SEMA3D: variants seen among roughly 807,000 people sequenced by gnomAD.
SEMA3D encodes the protein semaphorin-3D.
SEMA3D carries 84 observed loss-of-function variants against 100.1 expected under a neutral mutation model. That is an observed-to-expected ratio of 0.84 (90% CI 0.70 to 1.01). The LOEUF (loss-of-function observed/expected upper bound fraction) is 1.01, where lower values mean the gene tolerates loss of function less well. Ranked by LOEUF, SEMA3D falls within the 50% of genes least tolerant of loss-of-function variation. The probability of loss-of-function intolerance (pLI) is 0.00; values close to 1 mark genes in which losing one functional copy is unlikely to be tolerated. For missense variants in SEMA3D, 875 were observed against 934.1 expected (o/e 0.94, Z 0.82); for synonymous variants, 312 against 320.7 (o/e 0.97, Z 0.29).
chr7:85,148,198 A>G (rs1790270198), intron 2 of SEMA3D, among the ~76,000 whole-genome samples: 1 of 152,224 alleles, frequency 6.6e-6, no homozygotes, highest in African/African-American at 2.4e-5. Context: ...GCTACTAAGT[A>G]TCACTATTAA....
chr7:85,151,783 A>C, intron 2 of SEMA3D: 7 of 833,168 alleles, frequency 8.4e-6, no homozygotes, highest in East Asian at 1.2e-4. Flanking sequence ...CTATTATATT[A>C]GAAGAAAATT....
the SEMA3D span, among the ~76,000 whole-genome samples, chr7:85,214,650 C>T: frequency 2.9e-3 from 437 of 152,164 alleles, 1 homozygote; most frequent in African/African-American, 9.9e-3. Context: ...GCACGTGACA[C>T]CACACCAGGC....
chr7:85,048,379 A>G (rs1791066844), intron 9 of SEMA3D, among the ~76,000 whole-genome samples: 1 of 151,758 alleles, frequency 6.6e-6, no homozygotes, highest in Non-Finnish European at 1.5e-5. Flanking sequence ...TAATAATGAT[A>G]AGGACAATCC....
intron 4 of SEMA3D, among the ~76,000 whole-genome samples, chr7:85,089,634 A>C (rs2116274639): frequency 6.6e-6 from 1 of 152,222 alleles, no homozygotes; most frequent in Non-Finnish European, 1.5e-5. Context: ...TAATCCTAGC[A>C]CTTTGGGATT....
chr7:85,018,242 T>C lies in SEMA3D; in HGVS notation c.1545+10A>G, dbSNP rs1436073170. ...TTGTGATTAACTTTCATACAAAAGT[T>C]AAAAAGTACCTGCTTCAGAGACAAT... On this transcript the variant is annotated intron_variant, in intron 15 of 18. Transcript: ENST00000284136. 6.4e-7 allele frequency: 1 copy of C among 1,572,132 alleles called. No homozygotes were observed.
chr7:85,239,196 A>G, the SEMA3D span, among the ~76,000 whole-genome samples: 3 of 152,122 alleles, frequency 2.0e-5, no homozygotes, highest in Non-Finnish European at 2.9e-5. Flanking sequence ...GTTTAAATGT[A>G]TCCCCTCCCA....
At chr7:85,122,029 T>G (rs1428613931) in intron 2 of SEMA3D, 98 bp from the exon 3 acceptor site, 2 of 608,344 alleles carry the variant, frequency 3.3e-6, no homozygotes, top group Non-Finnish European at 5.5e-6. Flanking sequence ...TAAGTGGGAG[T>G]TGAACAATGA....
chr7:85,080,350 T>G (rs1788017417), intron 5 of SEMA3D, among the ~76,000 whole-genome samples: 1 of 152,132 alleles, frequency 6.6e-6, no homozygotes, highest in Admixed American at 6.5e-5. Flanking sequence ...TGTCTGAGAT[T>G]ATTAGCCTTC....
chr7:85,131,703 T>C (rs762306996), intron 2 of SEMA3D, among the ~76,000 whole-genome samples: 8 of 152,020 alleles, frequency 5.3e-5, no homozygotes, highest in Middle Eastern at 3.7e-3. Flanking sequence ...ATTTTCAAAG[T>C]ATAACAATAA....
In SEMA3D at chr7:85,057,703, C is replaced by T. The variant is rs150318543; in HGVS notation, c.719-1844G>A. Among the ~76,000 whole-genome samples the T allele has an allele frequency of 9.7e-3, 1,481 of 152,162 alleles. 22 individuals carry two copies. Among genetic ancestry groups the T allele is most frequent in the African/African-American group, 0.034 (1,393 of 41,502 alleles). ...ATCCCAGCACTTTGGGAGGCTGAGGCGGGTGGATCACTTGAGGTCAGTAGT... is the reference window on the plus strand; with the variant it reads ...ATCCCAGCACTTTGGGAGGCTGAGGTGGGTGGATCACTTGAGGTCAGTAGT... On this transcript the variant is annotated intron_variant, in intron 8 of 18. Transcript: ENST00000284136.
chr7:85,055,418 C>T (rs1289480663), intron 9 of SEMA3D, among the ~76,000 whole-genome samples: 1 of 151,772 alleles, frequency 6.6e-6, no homozygotes, highest in East Asian at 1.9e-4. Context: ...AGATGTGTAA[C>T]TCACACCAGG....
intron 10 of SEMA3D, 37 bp downstream of exon 10, chr7:85,042,134 A>C: frequency 1.5e-6 from 2 of 1,362,850 alleles, no homozygotes; most frequent in Non-Finnish European, 1.1e-6. Flanking sequence ...ATTAGGCAGT[A>C]AGGCCTTTCC....
At chr7:85,106,946 T>A (rs1028292981) in intron 3 of SEMA3D, among the ~76,000 whole-genome samples, 1 of 152,068 alleles carries the variant, frequency 6.6e-6, no homozygotes, top group African/African-American at 2.4e-5. Context: ...CACGTGGGGA[T>A]TACGGGAACT....
rs983013492 is a variant in SEMA3D, at chr7:85,083,157, T to G, written c.313-1578A>C. Among the ~76,000 whole-genome samples, 14 of 152,160 alleles carry G rather than the reference T, an allele frequency of 9.2e-5. 1 individual carries two copies. The highest frequency in any genetic ancestry group is 9.2e-4 in the Admixed American group (14 of 15,290). On this transcript the variant is annotated intron_variant, in intron 4 of 18. Coordinates refer to ENST00000284136, the MANE Select transcript of SEMA3D (RefSeq NM_001384900.1). ...AAGCAACTAAAATAAAATGGTTACATTTCAGGTGTATAGGTGGGTGGATTT... is the reference window on the plus strand; with the variant it reads ...AAGCAACTAAAATAAAATGGTTACAGTTCAGGTGTATAGGTGGGTGGATTT...
At chr7:85,066,890 G>GCACACACACACACACACA (rs1265828830) in intron 7 of SEMA3D, among the ~76,000 whole-genome samples, 14 of 100,694 alleles carry the variant, frequency 1.4e-4, no homozygotes, top group African/African-American at 1.1e-3. Flanking sequence ...GGAAATGTGC[G>GCACACACACACACACACA]CTCACACACA....
intron 9 of SEMA3D, among the ~76,000 whole-genome samples, chr7:85,042,898 G>T (rs1562794583): frequency 6.6e-6 from 1 of 152,070 alleles, no homozygotes; most frequent in Non-Finnish European, 1.5e-5. Flanking sequence ...GCTTAGCATA[G>T]TCTCAGGCAA....
chr7:85,181,294 T>C (rs1439640394), intron 1 of SEMA3D, among the ~76,000 whole-genome samples: 1 of 143,364 alleles, frequency 7.0e-6, no homozygotes, highest in East Asian at 2.0e-4. Context: ...CATCTTGAAA[T>C]GACAAAGAAT....
At chr7:85,008,806 G>T (rs1789871889) in intron 17 of SEMA3D, among the ~76,000 whole-genome samples, 1 of 151,670 alleles carries the variant, frequency 6.6e-6, no homozygotes, top group Non-Finnish European at 1.5e-5. Context: ...TGGTGGCTGA[G>T]AAAATAACAC....
upstream of SEMA3D, among the ~76,000 whole-genome samples, chr7:85,187,844 A>G (rs940735099): frequency 1.3e-5 from 2 of 152,198 alleles, no homozygotes; most frequent in African/African-American, 2.4e-5. Context: ...CGTCAGGGAC[A>G]TTAAAAAGGC....
Sources: gnomAD v4.1 joint callset for allele counts (sites outside exome capture counted in the v4.1 genomes callset) on GRCh38, gnomAD v4.1.1 for gene constraint, MANE v1.5 for transcripts, NCBI Gene and HGNC (gene_info 2026-07-23, HGNC 2026-07-21) for gene names.